ITGA4: variants seen among roughly 807,000 people sequenced by gnomAD.
ITGA4 encodes the protein integrin subunit alpha 4.
A neutral mutation model predicts 133.6 loss-of-function variants in ITGA4; 63 were observed. The ratio of observed to expected loss-of-function variants is 0.47; its 90% CI spans 0.38 to 0.58. The LOEUF is 0.58. ITGA4 is among the 20% of genes least tolerant of loss of function. The pLI is 0.00. For synonymous variants in ITGA4, 483 were observed against 438.0 expected (o/e 1.10, Z -1.28); for missense variants, 1,076 against 1,252.7 (o/e 0.86, Z 2.13).
chr2:181,521,502 A>G (rs1686719647), intron 17 of ITGA4, among the ~76,000 whole-genome samples: 1 of 152,192 alleles, frequency 6.6e-6, no homozygotes, highest in East Asian at 1.9e-4. Context: ...CCCCACCAGA[A>G]AGAACTGCTG....
At chr2:181,460,332 C>T (rs950339811) in intron 2 of ITGA4, among the ~76,000 whole-genome samples, 3 of 152,166 alleles carry the variant, frequency 2.0e-5, no homozygotes, top group African/African-American at 7.2e-5. Flanking sequence ...CTAAAGAATA[C>T]AGATATCTTT....
chr2:181,484,316 CAG>C (rs1382519381), intron 9 of ITGA4, among the ~76,000 whole-genome samples: 4 of 152,170 alleles, frequency 2.6e-5, no homozygotes, highest in Admixed American at 1.3e-4. Context: ...AAATAGCTCT[CAG>C]GGGTTCCTAG....
At chr2:181,462,624 T>C (rs1685312530) in intron 2 of ITGA4, among the ~76,000 whole-genome samples, 1 of 152,124 alleles carries the variant, frequency 6.6e-6, no homozygotes, top group Non-Finnish European at 1.5e-5. Flanking sequence ...GTTATACAAT[T>C]ATGTAGAAAA....
rs191486350 is a variant in ITGA4 at position 181,514,318 on chromosome 2, G to C, written c.1922+2543G>C. The stretch of plus-strand genomic sequence containing the variant: ...GAATAAGTAAAAAGGTTGACAAATA[G>C]GGTTGAGTACCCTACTGTGGTAGGA... On this transcript the variant is annotated intron_variant, in intron 17 of 27. Coordinates refer to ENST00000397033, the MANE Select transcript of ITGA4 (RefSeq NM_000885.6). Among the ~76,000 whole-genome samples, 467 of 152,182 alleles carry C rather than the reference G, an allele frequency of 3.1e-3. 3 individuals carry two copies. The highest frequency in any genetic ancestry group is 0.011 in the African/African-American group (440 of 41,546).
At chr2:181,469,218 T>C (rs917397951) in intron 2 of ITGA4, among the ~76,000 whole-genome samples, 1 of 152,192 alleles carries the variant, frequency 6.6e-6, no homozygotes, top group African/African-American at 2.4e-5. Context: ...ATTTGATATT[T>C]CAATAGGTAA....
At chr2:181,484,355 A>C (rs1158944011) in intron 9 of ITGA4, among the ~76,000 whole-genome samples, 1 of 152,172 alleles carries the variant, frequency 6.6e-6, no homozygotes, top group Non-Finnish European at 1.5e-5. Flanking sequence ...ACTCTCTGTG[A>C]CTAGGGAATA....
At position 181,523,347 on chromosome 2, in the gene ITGA4, G is replaced by T; in HGVS notation, c.2074-90G>T. The T allele has an allele frequency of 1.4e-6, 1 of 737,358 alleles. No homozygotes were observed. The highest frequency in any genetic ancestry group is 2.4e-6 in the Non-Finnish European group (1 of 416,598). The allele number at this position is 737,358 out of a possible 1,614,324, so 45.7% of individuals were successfully genotyped here. Reference sequence around the variant, plus strand: ...CTAGAAAAGCAAATACTTCTGGGATGATATTCTTTTCAATAACCATCCTTA... The same window carrying T: ...CTAGAAAAGCAAATACTTCTGGGATTATATTCTTTTCAATAACCATCCTTA... On this transcript the variant is annotated intron_variant, in intron 18 of 27. Transcript: ENST00000397033. The surrounding 1 kb of genome is among the most constrained non-coding windows in gnomAD (Gnocchi z 4.2).
intron 10 of ITGA4, among the ~76,000 whole-genome samples, chr2:181,489,827 A>G (rs1686004908): frequency 6.6e-6 from 1 of 152,114 alleles, no homozygotes; most frequent in Non-Finnish European, 1.5e-5. Flanking sequence ...CTGAGTCTTC[A>G]TTGTCTATCA....
intron 15 of ITGA4, among the ~76,000 whole-genome samples, chr2:181,504,871 G>A (rs968218666): frequency 6.6e-6 from 1 of 151,878 alleles, no homozygotes; most frequent in African/African-American, 2.4e-5. Context: ...TCAGGAAATT[G>A]TAATGCTAGA....
intron 21 of ITGA4, among the ~76,000 whole-genome samples, chr2:181,525,983 T>A (rs773989296): frequency 6.6e-6 from 1 of 152,208 alleles, no homozygotes; most frequent in Non-Finnish European, 1.5e-5. Flanking sequence ...AGATATGAGT[T>A]ACAGAACAAA....
chr2:181,461,440 G>T (rs952143703), intron 2 of ITGA4, among the ~76,000 whole-genome samples: 7 of 151,724 alleles, frequency 4.6e-5, no homozygotes, highest in African/African-American at 1.7e-4. Flanking sequence ...GCCCAGACTT[G>T]CTCGTGAAGA....
In ITGA4 at chr2:181,457,741, G is replaced by A. The variant is rs374263102; in HGVS notation, c.87G>A (p.Pro29=). 3 of 1,613,024 alleles carry A rather than the reference G, an allele frequency of 1.9e-6. No individual in the cohort carries two copies. In the East Asian group the frequency reaches 6.7e-5, roughly 36 times the overall value. The change falls in exon 1 of 28, where the codon CCG becomes CCA. Residue 29 remains proline (P), a synonymous_variant. Coordinates refer to ENST00000397033, the MANE Select transcript of ITGA4 (RefSeq NM_000885.6). ...TGCTGTTGCTGTGCCTGGGGGTCCCGACCGGCCGCCCCTACAACGTGGACA... is the reference window on the plus strand; with the variant it reads ...TGCTGTTGCTGTGCCTGGGGGTCCCAACCGGCCGCCCCTACAACGTGGACA... ...TVMLLLCLGV[P]TGRPYNVDTE...
At chr2:181,526,914 C>G (rs1490978999) in intron 21 of ITGA4, among the ~76,000 whole-genome samples, 1 of 141,498 alleles carries the variant, frequency 7.1e-6, no homozygotes, top group Non-Finnish European at 1.5e-5. Flanking sequence ...TCACTGCAAC[C>G]TCTGCTTCTC....
chr2:181,515,073 G>A (rs565522132), intron 17 of ITGA4, among the ~76,000 whole-genome samples: 27 of 152,132 alleles, frequency 1.8e-4, no homozygotes, highest in African/African-American at 6.0e-4. Flanking sequence ...GACCATCCAC[G>A]TCAGAACTAA....
chr2:181,478,902 T>C (rs939343250), intron 5 of ITGA4, 78 bp downstream of exon 5: 7 of 678,892 alleles, frequency 1.0e-5, no homozygotes, highest in Non-Finnish European at 1.6e-5. Flanking sequence ...AAGACTGATA[T>C]GTTTTAAAGT....
intron 17 of ITGA4, among the ~76,000 whole-genome samples, chr2:181,512,751 G>T (rs1686530656): frequency 6.6e-6 from 1 of 152,062 alleles, no homozygotes; most frequent in South Asian, 2.1e-4. Flanking sequence ...GAAAAAATGG[G>T]TATCACTGGC....
chr2:181,534,244 C>T (rs1270265783), intron 25 of ITGA4, 28 bp from the exon 26 acceptor site: 1 of 1,299,724 alleles, frequency 7.7e-7, no homozygotes, highest in South Asian at 1.2e-5. Context: ...ATAAACCAGG[C>T]TATGGTGATC....
At position 181,482,394 on chromosome 2, in the gene ITGA4, A is replaced by C. The variant is rs755107381; in HGVS notation, c.875A>C (p.Asn292Thr). Residue 292 changes from asparagine to threonine, a missense_variant, in exon 8 of 28, where the codon AAT becomes ACT. This residue lies in a region of ITGA4 where 436 missense variants were observed against 590.7 expected (regional missense o/e 0.74). Coordinates refer to ENST00000397033, the MANE Select transcript of ITGA4 (RefSeq NM_000885.6). Reference protein sequence around the residue: ...YIFSIDEKELNILHEMKGKKL... With the variant: ...YIFSIDEKELTILHEMKGKKL... Reference sequence around the variant, plus strand: ...TTCAGCATTGATGAAAAAGAACTAAATATCTTACATGAAATGAAAGGTAAA... The same window carrying C: ...TTCAGCATTGATGAAAAAGAACTAACTATCTTACATGAAATGAAAGGTAAA... 1 of 1,613,012 alleles carries C rather than the reference A, an allele frequency of 6.2e-7. No individual in the cohort carries two copies. The highest frequency in any genetic ancestry group is 1.1e-5 in the South Asian group (1 of 90,952).
intron 15 of ITGA4, among the ~76,000 whole-genome samples, chr2:181,499,256 T>A (rs1037493105): frequency 2.6e-5 from 4 of 152,106 alleles, no homozygotes; most frequent in Admixed American, 2.6e-4. Context: ...GTGATGTCAG[T>A]GGGAACTCAC....
Sources: allele counts gnomAD v4.1 joint callset (sites outside exome capture counted in the v4.1 genomes callset), GRCh38; gene constraint gnomAD v4.1.1; regional missense constraint gnomAD v4.1.1; non-coding constraint Gnocchi (gnomAD v3.1); transcripts MANE v1.5; gene names NCBI Gene and HGNC (gene_info 2026-07-23, HGNC 2026-07-21).